Variants in MARCHF3 observed in about 807,000 individuals in gnomAD.
MARCHF3 encodes E3 ubiquitin-protein ligase MARCHF3.
In MARCHF3, 13 loss-of-function variants were observed where a neutral mutation model predicts 24.2. The observed-to-expected ratio is 0.54, with a 90% CI of 0.35 to 0.85. The LOEUF (loss-of-function observed/expected upper bound fraction) is 0.85. Ranked by LOEUF, MARCHF3 falls within the 40% of genes least tolerant of loss-of-function variation. The pLI is 0.01. For missense variants in MARCHF3, 276 were observed against 325.0 expected (o/e 0.85, Z 1.16); for synonymous variants, 144 against 137.3 (o/e 1.05, Z -0.34).
chr5:126,959,131 G>T (rs1244242658), intron 1 of MARCHF3, among the ~76,000 whole-genome samples: 1 of 152,108 alleles, frequency 6.6e-6, no homozygotes, highest in Admixed American at 6.6e-5. Context: ...GCTATAGTAT[G>T]GAAAGGGGGA....
rs542742484 is a variant in MARCHF3, at chr5:126,873,473, C to A, written c.604-2682G>T. On this transcript the variant is annotated intron_variant, in intron 4 of 4. Transcript: ENST00000308660. The stretch of plus-strand genomic sequence containing the variant: ...ATTTCCTTTAAGGCTCTGCTCTCGG[C>A]GTGGTCCTGGACCAGCAGCAGGCTG... Among the ~76,000 whole-genome samples, 218 of 151,678 alleles carry A rather than the reference C, an allele frequency of 1.4e-3. 1 individual carries two copies. The highest frequency in any genetic ancestry group is 4.7e-3 in the African/African-American group (196 of 41,332).
At chr5:126,878,080 T>C in intron 4 of MARCHF3, 105 bp downstream of exon 4, 2 of 1,099,734 alleles carry the variant, frequency 1.8e-6, no homozygotes, top group African/African-American at 1.6e-5. Context: ...AGGTCTGTTT[T>C]CTACCGGGCA....
At chr5:126,919,839 G>A (rs578119745) in intron 1 of MARCHF3, among the ~76,000 whole-genome samples, 2 of 152,272 alleles carry the variant, frequency 1.3e-5, no homozygotes, top group East Asian at 3.9e-4. Flanking sequence ...GTCTGCGTCT[G>A]CCTTTGCCCA....
intron 1 of MARCHF3, among the ~76,000 whole-genome samples, chr5:126,980,945 A>G (rs530207971): frequency 4.5e-4 from 68 of 152,362 alleles, no homozygotes; most frequent in African/African-American, 1.5e-3. Context: ...TATTCCATCC[A>G]TGGCCCCAGA....
At chr5:126,882,733 T>C (rs1404100961) in intron 3 of MARCHF3, among the ~76,000 whole-genome samples, 2 of 152,232 alleles carry the variant, frequency 1.3e-5, no homozygotes, top group African/African-American at 2.4e-5. Context: ...AGGCACCTCA[T>C]GCTAAATGAA....
intron 1 of MARCHF3, among the ~76,000 whole-genome samples, chr5:126,943,037 G>C (rs984668193): frequency 6.6e-6 from 1 of 152,176 alleles, no homozygotes; most frequent in Non-Finnish European, 1.5e-5. Flanking sequence ...TGTAATCCTG[G>C]CACTCTGGGA....
At chr5:126,879,219 G>A (rs1025311397) in intron 3 of MARCHF3, among the ~76,000 whole-genome samples, 1 of 152,122 alleles carries the variant, frequency 6.6e-6, no homozygotes. Context: ...TGTTTCTCCT[G>A]GACTTCACCC....
intron 1 of MARCHF3, among the ~76,000 whole-genome samples, chr5:126,942,369 G>A (rs1749857564): frequency 6.6e-6 from 1 of 151,926 alleles, no homozygotes; most frequent in Non-Finnish European, 1.5e-5. Context: ...AACAAGTATG[G>A]CTATATTTTA....
chr5:126,922,946 C>A (rs761347001), intron 1 of MARCHF3, among the ~76,000 whole-genome samples: 4 of 152,210 alleles, frequency 2.6e-5, no homozygotes, highest in Non-Finnish European at 4.4e-5. Flanking sequence ...CCCATGCCAT[C>A]TCTCTTGGCT....
chr5:126,878,032 A>G (rs1484509501), intron 4 of MARCHF3, among the ~76,000 whole-genome samples, 153 bp downstream of exon 4: 1 of 152,052 alleles, frequency 6.6e-6, no homozygotes, highest in Non-Finnish European at 1.5e-5. Context: ...ACACACACAT[A>G]GTCATAAACC....
chr5:126,869,445 A>G lies in MARCHF3; in HGVS notation c.*1188T>C, dbSNP rs574718435. The G allele has an allele frequency of 2.0e-4, 30 of 152,310 alleles. No homozygotes were observed. The highest frequency in any genetic ancestry group is 7.2e-4 in the African/African-American group (30 of 41,560). The allele number at this position is 152,310 out of a possible 1,614,324, so 9.4% of individuals were successfully genotyped here. On this transcript the variant is annotated 3_prime_UTR_variant, in exon 5 of 5. Transcript: ENST00000308660. The stretch of plus-strand genomic sequence containing the variant: ...TTACACTGCGACGGATAAAAGAGGG[A>G]CACGAAACCCTTAGAAAAAGTCTAT...
In MARCHF3 at chr5:126,878,374, G is replaced by A. The variant is rs1488716312; in HGVS notation, c.414C>T (p.Pro138=). The A allele has an allele frequency of 1.9e-6, 3 of 1,613,488 alleles. No homozygotes were observed. The highest frequency in any genetic ancestry group is 2.2e-5 in the South Asian group (2 of 90,940). ...CAAACAGAGTCCGCTTCTCATGCTG[G>A]GGGCCAGGGTTTCTCAGCCACTGCC... is the stretch of plus-strand genomic sequence containing the variant. ...PLVEWLRNPG[P]QHEKRTLFGD... The change falls in exon 4 of 5, where the codon CCC becomes CCT. Residue 138 remains proline (P), a synonymous_variant. Transcript: ENST00000308660.
rs1754427922 is a variant in MARCHF3 at position 126,909,403 on chromosome 5, G to A, written c.393+5527C>T. ...CCTAATCAAGCCTGGGCAATGGCGG[G>A]CGCCCCTCCCCCAGCCTCGCTGTCG... is the stretch of plus-strand genomic sequence containing the variant. On this transcript the variant is annotated intron_variant, in intron 3 of 4. Coordinates refer to ENST00000308660, the MANE Select transcript of MARCHF3 (RefSeq NM_178450.5). Among the ~76,000 whole-genome samples, 3 of 152,342 alleles carry A rather than the reference G, an allele frequency of 2.0e-5. No homozygotes were observed. In the South Asian group the frequency reaches 6.2e-4, roughly 32 times the overall value.
rs28528146 is a variant in MARCHF3, at chr5:126,869,463, A to G, written c.*1170T>C. ...AAGAGGGACACGAAACCCTTAGAAA[A>G]AGTCTATTTCGGACTGTGACAGAAT... On this transcript the variant is annotated 3_prime_UTR_variant, in exon 5 of 5. Transcript: ENST00000308660. 60,634 of 151,840 alleles carry G rather than the reference A, an allele frequency of 0.4. 13,075 individuals carry two copies. Among genetic ancestry groups the G allele is most frequent in the Middle Eastern group, 0.54 (159 of 296 alleles). The allele number at this position is 151,840 out of a possible 1,614,324, so 9.4% of individuals were successfully genotyped here.
intron 3 of MARCHF3, among the ~76,000 whole-genome samples, chr5:126,896,719 A>G (rs1376940734): frequency 6.6e-6 from 1 of 152,150 alleles, no homozygotes; most frequent in Non-Finnish European, 1.5e-5. Flanking sequence ...TGAAGTGTTG[A>G]GACCTTCTCT....
intron 1 of MARCHF3, among the ~76,000 whole-genome samples, chr5:127,011,981 T>C (rs138733996): frequency 3.9e-4 from 60 of 152,318 alleles, no homozygotes; most frequent in Non-Finnish European, 6.5e-4. Context: ...TTCCAGTTGG[T>C]CTACAGTTAG....
intron 3 of MARCHF3, among the ~76,000 whole-genome samples, chr5:126,896,233 C>T (rs1057271149): frequency 3.3e-5 from 5 of 152,156 alleles, no homozygotes; most frequent in African/African-American, 7.2e-5. Context: ...GAGATGAACC[C>T]GGTACCTCAG....
chr5:126,993,683 G>GA (rs907976115), intron 1 of MARCHF3, among the ~76,000 whole-genome samples: 6 of 151,504 alleles, frequency 4.0e-5, no homozygotes, highest in Non-Finnish European at 8.8e-5. Flanking sequence ...TTCAGGCAGG[G>GA]AAAAAAAAGT....
intron 1 of MARCHF3, among the ~76,000 whole-genome samples, chr5:126,931,570 T>TACACACACACAC (rs57567399): frequency 1.3e-4 from 19 of 142,890 alleles, no homozygotes; most frequent in African/African-American, 4.7e-4. Context: ...CATACATGAA[T>TACACACACACAC]ACACACACAC....
Sources: allele counts gnomAD v4.1 joint callset (sites outside exome capture counted in the v4.1 genomes callset), GRCh38; gene constraint gnomAD v4.1.1; transcripts MANE v1.5; gene names NCBI Gene and HGNC (gene_info 2026-07-23, HGNC 2026-07-21).